Variants in ENTREP2 observed in about 807,000 individuals in gnomAD.
ENTREP2 encodes protein ENTREP2.
the ENTREP2 span, among the ~76,000 whole-genome samples, chr15:29,463,326 T>C: frequency 6.6e-6 from 1 of 151,900 alleles, no homozygotes; most frequent in East Asian, 1.9e-4. Flanking sequence ...CTGGAGAAAG[T>C]ATCAGGAAAG....
the ENTREP2 span, among the ~76,000 whole-genome samples, chr15:29,306,360 G>A: frequency 2.0e-5 from 3 of 152,096 alleles, no homozygotes; most frequent in East Asian, 1.9e-4. Context: ...GGTGCAAGGC[G>A]GTGCACCTGA....
chr15:29,665,477 T>G, the ENTREP2 span, among the ~76,000 whole-genome samples: 1 of 152,194 alleles, frequency 6.6e-6, no homozygotes, highest in East Asian at 1.9e-4. Flanking sequence ...TACCACTTGT[T>G]TTCTTGCTGG....
chr15:29,394,655 T>C, the ENTREP2 span, among the ~76,000 whole-genome samples: 1 of 152,122 alleles, frequency 6.6e-6, no homozygotes, highest in African/African-American at 2.4e-5. Flanking sequence ...GTGCAAACAT[T>C]CCCCTCATCC....
chr15:29,583,795 C>A, the ENTREP2 span, among the ~76,000 whole-genome samples: 105,027 of 152,008 alleles, frequency 0.69, 36,547 homozygotes, highest in South Asian at 0.79. Flanking sequence ...AGACATTGAC[C>A]TAAGTATAGA....
chr15:29,149,243 T>C, the ENTREP2 span, among the ~76,000 whole-genome samples: 3 of 152,190 alleles, frequency 2.0e-5, no homozygotes, highest in African/African-American at 7.2e-5. Context: ...CAGCAATACA[T>C]TCAGCAGCAC....
At chr15:29,384,694 T>C in the ENTREP2 span, among the ~76,000 whole-genome samples, 1 of 152,116 alleles carries the variant, frequency 6.6e-6, no homozygotes, top group East Asian at 1.9e-4. Flanking sequence ...CTGTGGGCTG[T>C]CTTCCCTCCA....
the ENTREP2 span, among the ~76,000 whole-genome samples, chr15:29,567,616 C>A: frequency 6.6e-6 from 1 of 152,124 alleles, no homozygotes; most frequent in African/African-American, 2.4e-5. Context: ...CTGCTGTGTT[C>A]CAATGGCTAA....
chr15:29,118,513 C>T, the ENTREP2 span, among the ~76,000 whole-genome samples: 1 of 152,212 alleles, frequency 6.6e-6, no homozygotes, highest in East Asian at 1.9e-4. Flanking sequence ...GTCAGCTGGG[C>T]AACGCCCCGC....
chr15:29,150,239 G>T, the ENTREP2 span, among the ~76,000 whole-genome samples: 2 of 152,154 alleles, frequency 1.3e-5, no homozygotes, highest in East Asian at 1.9e-4. Flanking sequence ...ACCCTGGAGC[G>T]CCTGGCTTGA....
chr15:29,422,481 G>A, the ENTREP2 span, among the ~76,000 whole-genome samples: 1 of 152,110 alleles, frequency 6.6e-6, no homozygotes, highest in African/African-American at 2.4e-5. Flanking sequence ...TAAAGAGAAC[G>A]GCAGGGTAAA....
At chr15:29,364,621 G>A in the ENTREP2 span, among the ~76,000 whole-genome samples, 320 of 152,300 alleles carry the variant, frequency 2.1e-3, 3 homozygotes, top group African/African-American at 7.3e-3. Context: ...AGTGCAAGCT[G>A]TGAGTCATAA....
chr15:29,421,789 A>G, the ENTREP2 span, among the ~76,000 whole-genome samples: 1 of 152,144 alleles, frequency 6.6e-6, no homozygotes, highest in African/African-American at 2.4e-5. Context: ...AGATCTCTCA[A>G]TTTTTCATGG....
the ENTREP2 span, among the ~76,000 whole-genome samples, chr15:29,151,115 TTA>T: frequency 1.3e-5 from 2 of 152,008 alleles, no homozygotes; most frequent in African/African-American, 4.8e-5. Flanking sequence ...CGTTCATTAT[TTA>T]TGAGATGTGT....
the ENTREP2 span, among the ~76,000 whole-genome samples, chr15:29,346,226 C>T: frequency 2.4e-4 from 37 of 152,252 alleles, no homozygotes; most frequent in African/African-American, 7.5e-4. Flanking sequence ...GTCAGACAAA[C>T]GCCGAGGCAG....
chr15:29,665,743 G>C, the ENTREP2 span, among the ~76,000 whole-genome samples: 1 of 151,872 alleles, frequency 6.6e-6, no homozygotes, highest in Non-Finnish European at 1.5e-5. Context: ...CTGCTTCTGT[G>C]GTTAAACACA....
chr15:29,640,050 T>C, the ENTREP2 span, among the ~76,000 whole-genome samples: 6 of 152,140 alleles, frequency 3.9e-5, no homozygotes, highest in South Asian at 1.2e-3. Context: ...ATTACAGGTG[T>C]GAGCCACCAC....
chr15:29,167,213 A>G, the ENTREP2 span, among the ~76,000 whole-genome samples: 1 of 152,216 alleles, frequency 6.6e-6, no homozygotes, highest in African/African-American at 2.4e-5. Flanking sequence ...AACTATAAAA[A>G]TTCTAGAAGA....
chr15:29,244,546 T>C, the ENTREP2 span, among the ~76,000 whole-genome samples: 453 of 152,336 alleles, frequency 3.0e-3, 14 homozygotes, highest in East Asian at 0.066. Flanking sequence ...CACTGCAGCG[T>C]TGAGATGGAT....
the ENTREP2 span, chr15:29,123,766 C>T: frequency 2.7e-6 from 3 of 1,118,602 alleles, no homozygotes; most frequent in Admixed American, 8.2e-5. Flanking sequence ...TTCTGTGTTC[C>T]TGGGGCTGGC....
Sources: allele counts gnomAD v4.1 joint callset (sites outside exome capture counted in the v4.1 genomes callset), GRCh38; gene constraint gnomAD v4.1.1; transcripts MANE v1.5; gene names NCBI Gene and HGNC (gene_info 2026-07-23, HGNC 2026-07-21).